The following SPRTN variants were observed in gnomAD, a reference collection of about 807,000 sequenced individuals.
SPRTN encodes SprT-like N-terminal domain, also known as DNA-dependent metalloprotease SPRTN.
SPRTN carries 11 observed loss-of-function variants against 31.9 expected under a neutral mutation model. The observed-to-expected ratio is 0.34, with a 90% CI of 0.22 to 0.57. SPRTN has a LOEUF of 0.57. Among genes scored for constraint, SPRTN ranks in the 20% least tolerant of loss-of-function variants. SPRTN has a pLI of 0.86. For missense variants in SPRTN, 482 were observed against 590.1 expected (o/e 0.82, Z 1.90); for synonymous variants, 185 against 212.1 (o/e 0.87, Z 1.11).
intron 1 of SPRTN, 73 bp downstream of exon 1, chr1:231,338,677 C>T (rs1686766792): frequency 1.3e-6 from 2 of 1,571,730 alleles, no homozygotes; most frequent in Non-Finnish European, 8.7e-7. Flanking sequence ...CTGGTTTTCT[C>T]TCCTTTCTCT....
intron 2 of SPRTN, among the ~76,000 whole-genome samples, chr1:231,341,996 T>G (rs1387512190): frequency 6.6e-6 from 1 of 152,046 alleles, no homozygotes. Flanking sequence ...CACTACAGCC[T>G]CAACCTCCCA....
chr1:231,352,482 A>G (rs371307644), intron 4 of SPRTN, 128 bp from the exon 5 acceptor site: 2 of 1,435,336 alleles, frequency 1.4e-6, no homozygotes, highest in Non-Finnish European at 9.1e-7. Flanking sequence ...ATAGGATTGT[A>G]TGGATGTAAG....
In SPRTN at chr1:231,346,968, A is replaced by G. The variant is rs945137950; in HGVS notation, c.322-829A>G. On this transcript the variant is annotated intron_variant, in intron 2 of 4. Transcript: ENST00000295050. ...AAAAAAAAAGAATTTTAAAGTTTTT[A>G]TGTAGTTGAATTCATTGATTTTTCT... 3.3e-5 allele frequency among the ~76,000 whole-genome samples: 5 copies of G among 151,954 alleles called. No individual in the cohort carries two copies. In the South Asian group the frequency reaches 1.0e-3, roughly 32 times the overall value.
In SPRTN at chr1:231,353,061, T is replaced by C. The variant is rs1687288735; in HGVS notation, c.1170T>C (p.Ser390=). The C allele has an allele frequency of 6.2e-7, 1 of 1,614,042 alleles. No individual in the cohort carries two copies. The highest frequency in any genetic ancestry group is 1.7e-5 in the Admixed American group (1 of 60,006). ...RNSSKVTESA[S]VMPSQDVSGS... ...CTTCAAAAGTAACGGAATCAGCATC[T>C]GTGATGCCATCCCAGGATGTGAGTG... Residue 390 remains serine, a synonymous_variant, in exon 5 of 5, where the codon TCT becomes TCC. Transcript: ENST00000295050.
rs1687278971 is a variant in SPRTN at position 231,352,771 on chromosome 1, G to A, written c.880G>A (p.Val294Ile). The change falls in exon 5 of 5, where the codon GTA becomes ATA. Residue 294 changes from valine to isoleucine, a missense_variant. Transcript: ENST00000295050. ...LLNQNHSANA[V>I]RPNSKIKVKF... The stretch of plus-strand genomic sequence containing the variant: ...AAATCAAAACCATTCAGCAAATGCT[G>A]TAAGACCTAATTCTAAAATCAAGGT... The A allele has an allele frequency of 1.2e-6, 2 of 1,613,914 alleles. No homozygotes were observed. Among genetic ancestry groups the A allele is most frequent in the Admixed American group, 1.7e-5 (1 of 59,976 alleles).
At position 231,353,561 on chromosome 1, in the gene SPRTN, C is replaced by G; in HGVS notation, c.*200C>G. On this transcript the variant is annotated 3_prime_UTR_variant, in exon 5 of 5. Coordinates refer to ENST00000295050, the MANE Select transcript of SPRTN (RefSeq NM_032018.7). The stretch of plus-strand genomic sequence containing the variant: ...TGTGTCTCAGGGTGCTACATTCACT[C>G]TTGCCTTAGGTATACTGTAACCCAG... 7.8e-7 allele frequency: 1 copy of G among 1,282,946 alleles called. No individual in the cohort carries two copies. The highest frequency in any genetic ancestry group is 9.8e-7 in the Non-Finnish European group (1 of 1,016,978). 79.5% of individuals were successfully genotyped at this position (1,282,946 alleles called of 1,614,324 possible). A position where few individuals can be genotyped will look rare whatever the true frequency, so the allele number is the denominator to read the frequency against.
At chr1:231,340,197 C>CAAAAAA (rs111840521) in intron 2 of SPRTN, 1 of 156,020 alleles carries the variant, frequency 6.4e-6, no homozygotes, top group African/African-American at 2.5e-5. Flanking sequence ...CCCGTCTCTA[C>CAAAAAA]AAAAAAAAAA....
rs768908236 is a variant in SPRTN, at chr1:231,339,880, G to A, written c.321+12G>A. 2.5e-6 allele frequency: 4 copies of A among 1,612,474 alleles called. No homozygotes were observed. In the South Asian group the frequency reaches 4.4e-5, roughly 18 times the overall value. On this transcript the variant is annotated intron_variant, in intron 2 of 4. Coordinates refer to ENST00000295050, the MANE Select transcript of SPRTN (RefSeq NM_032018.7). ...AGGATCTTGTAGAGGTATTTTTCGTGTAAACTTGCTTCCTAGCGCAGTAAT... is the reference window on the plus strand; with the variant it reads ...AGGATCTTGTAGAGGTATTTTTCGTATAAACTTGCTTCCTAGCGCAGTAAT...
At chr1:231,339,614 A>C in intron 1 of SPRTN, 155 bp from the exon 2 acceptor site, 1 of 847,154 alleles carries the variant, frequency 1.2e-6, no homozygotes, top group Non-Finnish European at 1.9e-6. Flanking sequence ...GTTGTAACTA[A>C]TTAATTAGGT....
Position 231,354,218 on chromosome 1 carries a change from A to G in SPRTN, c.*857A>G, listed in dbSNP as rs1040015099. 2.0e-5 allele frequency: 20 copies of G among 978,478 alleles called. No individual in the cohort carries two copies. In the African/African-American group the frequency reaches 2.5e-4, roughly 12 times the overall value. 60.6% of individuals were successfully genotyped at this position (978,478 alleles called of 1,614,324 possible). A position where few individuals can be genotyped will look rare whatever the true frequency, so the allele number is the denominator to read the frequency against. ...AACTTTAAGCCAAGTTTAAAACATT[A>G]TAATAAAAGGAATACCATTTGTGCA... On this transcript the variant is annotated 3_prime_UTR_variant, in exon 5 of 5. Transcript: ENST00000295050.
chr1:231,352,093 A>G (rs1687256252), intron 4 of SPRTN: 3 of 989,446 alleles, frequency 3.0e-6, no homozygotes, highest in Non-Finnish European at 3.6e-6. Context: ...CCAGTACTTC[A>G]TCTTCAAGAT....
At chr1:231,347,293 C>T (rs1406644322) in intron 2 of SPRTN, among the ~76,000 whole-genome samples, 4 of 152,160 alleles carry the variant, frequency 2.6e-5, no homozygotes, top group Non-Finnish European at 4.4e-5. Context: ...GGATGCTCAA[C>T]TCATATGCAA....
chr1:231,341,846 G>A (rs143599066), intron 2 of SPRTN, among the ~76,000 whole-genome samples: 277 of 152,240 alleles, frequency 1.8e-3, no homozygotes, highest in African/African-American at 6.2e-3. Context: ...AATTAGCTGC[G>A]TGTGGTGACA....
In SPRTN at chr1:231,353,962, T is replaced by TA. The variant is rs1687318120; in HGVS notation, c.*604dup. 1 of 926,944 alleles carries TA rather than the reference T, an allele frequency of 1.1e-6. No homozygotes were observed. Among genetic ancestry groups the TA allele is most frequent in the South Asian group, 5.0e-5 (1 of 20,064 alleles). 57.4% of individuals were successfully genotyped at this position (926,944 alleles called of 1,614,324 possible). ...TAAACAGTGGCAGCAGATTTTAAGTTAAAGAATATGGAATATAGTAAAATA... is the reference window on the plus strand; with the variant it reads ...TAAACAGTGGCAGCAGATTTTAAGTTAAAAGAATATGGAATATAGTAAAATA... On this transcript the variant is annotated 3_prime_UTR_variant, in exon 5 of 5. Transcript: ENST00000295050.
chr1:231,352,809 G>C lies in SPRTN; in HGVS notation c.918G>C (p.Gln306His). 6.2e-7 allele frequency: 1 copy of C among 1,613,802 alleles called. No homozygotes were observed. Among genetic ancestry groups the C allele is most frequent in the South Asian group, 1.1e-5 (1 of 91,044 alleles). Residue 306 changes from glutamine (Q) to histidine (H), a missense_variant, in exon 5 of 5, where the codon CAG (glutamine) becomes CAC (histidine). Transcript: ENST00000295050. Reference sequence around the variant, plus strand: ...CTAAAATCAAGGTGAAATTTGAACAGAATGGTTCAAGTAAAAATTCTCATC... The same window carrying C: ...CTAAAATCAAGGTGAAATTTGAACACAATGGTTCAAGTAAAAATTCTCATC... ...PNSKIKVKFE[Q>H]NGSSKNSHLV...
At chr1:231,345,114 T>C (rs531427345) in intron 2 of SPRTN, among the ~76,000 whole-genome samples, 1 of 152,172 alleles carries the variant, frequency 6.6e-6, no homozygotes, top group Admixed American at 6.5e-5. Context: ...TTTTCTTTTC[T>C]TTTCTTTTCT....
chr1:231,349,164 G>T (rs1216006531), intron 3 of SPRTN, among the ~76,000 whole-genome samples: 1 of 151,788 alleles, frequency 6.6e-6, no homozygotes, highest in African/African-American at 2.4e-5. Flanking sequence ...TTTTTTTAGA[G>T]ACAGGGTCTC....
chr1:231,342,511 G>C (rs1173582502), intron 2 of SPRTN, among the ~76,000 whole-genome samples: 1 of 151,742 alleles, frequency 6.6e-6, no homozygotes, highest in Admixed American at 6.6e-5. Flanking sequence ...GCTCACTGCA[G>C]CCTCCGCCTC....
chr1:231,352,007 T>C, intron 4 of SPRTN: 1 of 996,944 alleles, frequency 1.0e-6, no homozygotes, highest in South Asian at 4.4e-5. Context: ...TCCTATCAGC[T>C]GGATTCTATC....
Sources: allele counts gnomAD v4.1 joint callset (sites outside exome capture counted in the v4.1 genomes callset), GRCh38; gene constraint gnomAD v4.1.1; transcripts MANE v1.5; gene names NCBI Gene and HGNC (gene_info 2026-07-23, HGNC 2026-07-21).